The following KMT2A variants were observed in gnomAD, a reference collection of about 807,000 sequenced individuals.
KMT2A encodes histone-lysine N-methyltransferase 2A.
KMT2A carries 16 observed loss-of-function variants against 345.3 expected under a neutral mutation model. The ratio of observed to expected loss-of-function variants is 0.05; its 90% CI spans 0.03 to 0.07. KMT2A has a LOEUF of 0.07. Ranked by LOEUF, KMT2A falls within the 10% of genes least tolerant of loss-of-function variation. The pLI is 1.00. For synonymous variants in KMT2A, 1,599 were observed against 1,778.6 expected (o/e 0.90, Z 2.54); for missense variants, 3,272 against 4,841.6 (o/e 0.68, Z 9.62).
intron 29 of KMT2A, 64 bp from the exon 30 acceptor site, chr11:118,509,884 T>G: frequency 8.2e-7 from 1 of 1,212,778 alleles, no homozygotes; most frequent in Non-Finnish European, 1.2e-6. Context: ...TAAAGTACTC[T>G]ACATGTAGTC....
At chr11:118,448,665 C>A (rs1181381288) in intron 1 of KMT2A, 2 of 151,930 alleles carry the variant, frequency 1.3e-5, no homozygotes, top group African/African-American at 4.8e-5. Context: ...GTATGAATTC[C>A]TTCTTTCAAG....
chr11:118,442,363 G>A (rs908525408), intron 1 of KMT2A, among the ~76,000 whole-genome samples: 2 of 152,172 alleles, frequency 1.3e-5, no homozygotes, highest in Non-Finnish European at 1.5e-5. Context: ...AATGAGTCTG[G>A]CATGATGTAC....
rs961670105 is a variant in KMT2A, at chr11:118,505,449, G to A, written c.9557G>A (p.Gly3186Asp). Residue 3186 changes from glycine (G) to aspartate (D), a missense_variant, in exon 27 of 36, where the codon GGC (glycine) becomes GAC (aspartate). Gly to Asp is a moderately conservative substitution (Grantham distance 94). Around this residue, in one of 27 missense-constraint regions of KMT2A, gnomAD observed 748 missense variants for 922.2 expected, o/e 0.81. Transcript: ENST00000534358. This position sits in a 1 kb window ranked among gnomAD's most constrained non-coding sequence, Gnocchi z 4.6. Reference protein sequence around the residue: ...FPPNISNPPSGLLIGVQPPPD... With the variant: ...FPPNISNPPSDLLIGVQPPPD... ...CCAAACATCAGCAATCCTCCTTCAG[G>A]CCTGCTTATTGGGGTTCAGCCTCCT... 2 of 1,613,978 alleles carry A rather than the reference G, an allele frequency of 1.2e-6. No homozygotes were observed. Among genetic ancestry groups the A allele is most frequent in the African/African-American group, 2.7e-5 (2 of 74,866 alleles).
chr11:118,520,830 C>A lies in KMT2A; in HGVS notation c.11458C>A (p.Pro3820Thr). Reference protein sequence around the residue: ...RRATSMDLPMPMRFRHLKKTS... With the variant: ...RRATSMDLPMTMRFRHLKKTS... ...GGCAACTAGCATGGATCTGCCAATG[C>A]CCATGCGCTTCCGGCACTTAAAAAA... The change falls in exon 34 of 36, where the codon CCC (proline) becomes ACC (threonine). Residue 3820 changes from proline (P) to threonine (T), a missense_variant. Around this residue, in one of 27 missense-constraint regions of KMT2A, gnomAD observed 78 missense variants for 254.5 expected, o/e 0.31. Transcript: ENST00000534358. This position sits in a 1 kb window ranked among gnomAD's most constrained non-coding sequence, Gnocchi z 4.3. 1.2e-6 allele frequency: 2 copies of A among 1,613,890 alleles called. No individual in the cohort carries two copies. Among genetic ancestry groups the A allele is most frequent in the Non-Finnish European group, 1.7e-6 (2 of 1,179,798 alleles).
chr11:118,498,211 A>G lies in KMT2A; in HGVS notation c.5802+138A>G, dbSNP rs1555044617. ...TAGCCAACAAGTATTGATATACATAATTCAACAGATAAAATGATAAATTTT... is the reference window on the plus strand; with the variant it reads ...TAGCCAACAAGTATTGATATACATAGTTCAACAGATAAAATGATAAATTTT... On this transcript the variant is annotated intron_variant, in intron 21 of 35. Transcript: ENST00000534358. The surrounding 1 kb of genome is among the most constrained non-coding windows in gnomAD (Gnocchi z 4.4). 8.7e-7 allele frequency: 1 copy of G among 1,151,048 alleles called. No homozygotes were observed. Among genetic ancestry groups the G allele is most frequent in the African/African-American group, 1.5e-5 (1 of 64,704 alleles). 71.3% of individuals were successfully genotyped at this position (1,151,048 alleles called of 1,614,324 possible).
At chr11:118,459,608 G>C (rs1166317109) in intron 1 of KMT2A, among the ~76,000 whole-genome samples, 5 of 152,088 alleles carry the variant, frequency 3.3e-5, no homozygotes, top group African/African-American at 1.2e-4. Context: ...CTCCATCTTA[G>C]CCTGGTAGGT....
chr11:118,512,096 T>C, intron 31 of KMT2A, 71 bp downstream of exon 31: 1 of 1,388,628 alleles, frequency 7.2e-7, no homozygotes, highest in South Asian at 1.2e-5. Context: ...AAGGCAGAGT[T>C]GATTCTGTGA....
In KMT2A at chr11:118,502,480, G is replaced by A. The variant is rs1555046017; in HGVS notation, c.6588G>A (p.Arg2196=). Residue 2196 remains arginine, a synonymous_variant, in exon 27 of 36, where the codon AGG becomes AGA. Transcript: ENST00000534358. The surrounding 1 kb of genome is among the most constrained non-coding windows in gnomAD (Gnocchi z 4.9). ...LSSGLRSIGS[R]RHSTSSLSPQ... The stretch of plus-strand genomic sequence containing the variant: ...CTGGACTTCGAAGCATTGGCTCCAG[G>A]CGTCACAGTACCTCTTCCTTATCAC... 1.9e-6 allele frequency: 3 copies of A among 1,613,920 alleles called. No individual in the cohort carries two copies. The Middle Eastern group carries it at 4.9e-4, about 266-fold the overall frequency.
In KMT2A at chr11:118,503,824, T is replaced by C. The variant is rs1324314345; in HGVS notation, c.7932T>C (p.Gly2644=). ...LTPLYGVRSY[G]EEDIPFYSSS... is the part of the protein sequence containing the mutation. Reference sequence around the variant, plus strand: ...CACTCTATGGAGTAAGATCCTATGGTGAAGAAGACATTCCATTCTACAGCA... The same window carrying C: ...CACTCTATGGAGTAAGATCCTATGGCGAAGAAGACATTCCATTCTACAGCA... The change falls in exon 27 of 36, where the codon GGT becomes GGC. Residue 2644 remains glycine (G), a synonymous_variant. Coordinates refer to ENST00000534358, the MANE Select transcript of KMT2A (RefSeq NM_001197104.2). The surrounding 1 kb of genome is among the most constrained non-coding windows in gnomAD (Gnocchi z 5.3). 1 of 1,614,032 alleles carries C rather than the reference T, an allele frequency of 6.2e-7. No homozygotes were observed. Among genetic ancestry groups the C allele is most frequent in the Admixed American group, 1.7e-5 (1 of 59,992 alleles).
chr11:118,446,107 G>C (rs1472621180), intron 1 of KMT2A, among the ~76,000 whole-genome samples: 1 of 151,994 alleles, frequency 6.6e-6, no homozygotes, highest in Non-Finnish European at 1.5e-5. Context: ...CCAACACTTT[G>C]GAAGGCCGAG....
rs2134259085 is a variant in KMT2A at position 118,472,064 on chromosome 11, G to A, written c.905G>A (p.Arg302Gln). ...AGGAAGGGGGTACAAATTGTACGAC[G>A]GAGAGGAAGGCCTCCATCAACAGAA... ...IGRKGVQIVR[R>Q]RGRPPSTERI... The change falls in exon 3 of 36, where the codon CGG becomes CAG. Residue 302 changes from arginine to glutamine, a missense_variant. Around this residue, in one of 27 missense-constraint regions of KMT2A, gnomAD observed 412 missense variants for 511.0 expected, o/e 0.81. Coordinates refer to ENST00000534358, the MANE Select transcript of KMT2A (RefSeq NM_001197104.2). 3.1e-6 allele frequency: 5 copies of A among 1,613,614 alleles called. No homozygotes were observed. Among genetic ancestry groups the A allele is most frequent in the African/African-American group, 1.3e-5 (1 of 74,920 alleles).
intron 1 of KMT2A, among the ~76,000 whole-genome samples, chr11:118,446,850 C>T (rs1257655690): frequency 6.6e-6 from 1 of 152,150 alleles, no homozygotes. Flanking sequence ...TTCAGATTCT[C>T]AGCGCTGCAT....
At chr11:118,449,388 T>G (rs1949484825) in intron 1 of KMT2A, 1 of 149,862 alleles carries the variant, frequency 6.7e-6, no homozygotes, top group African/African-American at 2.4e-5. Context: ...TAAGACCTGA[T>G]CTCTACAAAA....
chr11:118,441,712 A>G (rs1199575014), intron 1 of KMT2A, among the ~76,000 whole-genome samples: 4 of 152,236 alleles, frequency 2.6e-5, no homozygotes, highest in Admixed American at 2.0e-4. Context: ...TTAGAAATTC[A>G]GTCTTTAGAA....
Position 118,522,563 on chromosome 11 carries a change from A to C in KMT2A, c.*391A>C, listed in dbSNP as rs1950993600. ...GGTTGGCCCTTTCCCAAGCACTGTAAGTGAGTGGGTCAGGCAAAGCCCCAA... is the reference window on the plus strand; with the variant it reads ...GGTTGGCCCTTTCCCAAGCACTGTACGTGAGTGGGTCAGGCAAAGCCCCAA... On this transcript the variant is annotated 3_prime_UTR_variant, in exon 36 of 36. Coordinates refer to ENST00000534358, the MANE Select transcript of KMT2A (RefSeq NM_001197104.2). The surrounding 1 kb of genome is among the most constrained non-coding windows in gnomAD (Gnocchi z 5.4). The C allele has an allele frequency of 7.9e-6, 2 of 253,822 alleles. No homozygotes were observed. The highest frequency in any genetic ancestry group is 9.7e-5 in the Admixed American group (2 of 20,648). 15.7% of individuals were successfully genotyped at this position (253,822 alleles called of 1,614,324 possible). A position where few individuals can be genotyped will look rare whatever the true frequency, so the allele number is the denominator to read the frequency against.
chr11:118,497,677 C>T lies in KMT2A; in HGVS notation c.5665-259C>T, dbSNP rs7107035. Reference sequence around the variant, plus strand: ...CCTCCAAAAGTGCTGGGATTACAGACGTGAACCACCATACCCAGCTCATTT... The same window carrying T: ...CCTCCAAAAGTGCTGGGATTACAGATGTGAACCACCATACCCAGCTCATTT... On this transcript the variant is annotated intron_variant, in intron 20 of 35. Transcript: ENST00000534358. This position sits in a 1 kb window ranked among gnomAD's most constrained non-coding sequence, Gnocchi z 4.8. 2.6e-4 allele frequency among the ~76,000 whole-genome samples: 39 copies of T among 152,176 alleles called. No homozygotes were observed. The highest frequency in any genetic ancestry group is 9.2e-4 in the African/African-American group (38 of 41,430).
chr11:118,445,294 C>G (rs1949395883), intron 1 of KMT2A, among the ~76,000 whole-genome samples: 1 of 152,156 alleles, frequency 6.6e-6, no homozygotes, highest in Non-Finnish European at 1.5e-5. Flanking sequence ...AGAAAGAGAA[C>G]AAGATGGTAA....
At chr11:118,447,697 T>G (rs1949450565) in intron 1 of KMT2A, 1 of 450,080 alleles carries the variant, frequency 2.2e-6, no homozygotes, top group Non-Finnish European at 4.4e-6. Flanking sequence ...ATTATATGAT[T>G]GGAAGTCAGT....
intron 31 of KMT2A, among the ~76,000 whole-genome samples, chr11:118,513,173 G>A (rs1412104139): frequency 6.6e-6 from 1 of 152,130 alleles, no homozygotes; most frequent in Non-Finnish European, 1.5e-5. Flanking sequence ...GAGCCTAGGA[G>A]TATGAGACTG....
Sources: allele counts gnomAD v4.1 joint callset (sites outside exome capture counted in the v4.1 genomes callset), GRCh38; gene constraint gnomAD v4.1.1; regional missense constraint gnomAD v4.1.1; non-coding constraint Gnocchi (gnomAD v3.1); transcripts MANE v1.5; gene names NCBI Gene and HGNC (gene_info 2026-07-23, HGNC 2026-07-21).